Variants in SEMA5A observed in about 807,000 individuals in gnomAD.
SEMA5A encodes semaphorin-5A.
A neutral mutation model predicts 135.5 loss-of-function variants in SEMA5A; 55 were observed. The ratio of observed to expected loss-of-function variants is 0.41; its 90% CI spans 0.33 to 0.51. The LOEUF (loss-of-function observed/expected upper bound fraction) is 0.51. SEMA5A is among the 20% of genes least tolerant of loss of function. The pLI, the probability that SEMA5A is intolerant of heterozygous loss-of-function variation, is 0.37. For missense variants in SEMA5A, 1,290 were observed against 1,419.9 expected (o/e 0.91, Z 1.47); for synonymous variants, 580 against 546.5 (o/e 1.06, Z -0.85).
intron 8 of SEMA5A, among the ~76,000 whole-genome samples, chr5:9,220,321 C>T (rs1461831139): frequency 6.6e-6 from 1 of 151,788 alleles, no homozygotes; most frequent in Non-Finnish European, 1.5e-5. Flanking sequence ...ATCCATGTAA[C>T]CAAAAACCAC....
At position 9,445,371 on chromosome 5, in the gene SEMA5A, TA is replaced by T. The variant is rs879618323; in HGVS notation, c.-174-7520del. Among the ~76,000 whole-genome samples the T allele has an allele frequency of 4.0e-3, 567 of 143,536 alleles. 1 individual carries two copies. Among genetic ancestry groups the T allele is most frequent in the Admixed American group, 4.5e-3 (65 of 14,382 alleles). 94.2% of individuals were successfully genotyped at this position (143,536 alleles called of 152,430 possible). ...CTTCGGTAAATATCTCTCGTGCCAT[TA>T]AAAAAAAAAAAAGTGGGCCGGGCAC... On this transcript the variant is annotated intron_variant, in intron 1 of 22. Transcript: ENST00000382496.
intron 1 of SEMA5A, among the ~76,000 whole-genome samples, chr5:9,544,477 T>C (rs956391599): frequency 6.6e-6 from 1 of 152,194 alleles, no homozygotes; most frequent in Admixed American, 6.5e-5. Flanking sequence ...CTAGCAAGGC[T>C]GACAGCTCTC....
intron 5 of SEMA5A, among the ~76,000 whole-genome samples, chr5:9,301,196 A>G (rs531917651): frequency 7.2e-4 from 110 of 152,360 alleles, no homozygotes; most frequent in African/African-American, 2.5e-3. Context: ...GGTAATGTTT[A>G]GTATTTTAAA....
intron 3 of SEMA5A, among the ~76,000 whole-genome samples, chr5:9,344,040 C>T (rs1753759193): frequency 6.6e-6 from 1 of 152,212 alleles, no homozygotes; most frequent in African/African-American, 2.4e-5. Context: ...AATAAACATG[C>T]ACATTCATAG....
intron 12 of SEMA5A, among the ~76,000 whole-genome samples, chr5:9,138,362 T>G (rs1343252697): frequency 1.3e-5 from 2 of 152,168 alleles, no homozygotes; most frequent in African/African-American, 4.8e-5. Context: ...TATACATATA[T>G]ATATTTTGTT....
At chr5:9,379,599 C>T (rs908850951) in intron 3 of SEMA5A, among the ~76,000 whole-genome samples, 1 of 152,108 alleles carries the variant, frequency 6.6e-6, no homozygotes, top group Non-Finnish European at 1.5e-5. Context: ...GATTTTTTTA[C>T]CTTGGTAATC....
intron 5 of SEMA5A, among the ~76,000 whole-genome samples, chr5:9,313,306 A>T (rs1022133364): frequency 6.6e-6 from 1 of 152,142 alleles, no homozygotes; most frequent in Admixed American, 6.6e-5. Context: ...TGTCTCATCC[A>T]CGAATTGTCC....
At chr5:9,065,963 T>C (rs913516005) in intron 17 of SEMA5A, among the ~76,000 whole-genome samples, 1 of 152,256 alleles carries the variant, frequency 6.6e-6, no homozygotes, top group Non-Finnish European at 1.5e-5. Context: ...CTAGTATCCT[T>C]ACACAATGTG....
intron 3 of SEMA5A, among the ~76,000 whole-genome samples, chr5:9,341,927 T>C (rs1342118404): frequency 6.6e-6 from 1 of 151,840 alleles, no homozygotes. Context: ...AAATATTTTA[T>C]CAAAAGTATA....
intron 2 of SEMA5A, among the ~76,000 whole-genome samples, chr5:9,384,627 G>C (rs199600063): frequency 0.072 from 4,867 of 67,768 alleles, 353 homozygotes; most frequent in African/African-American, 0.14. Flanking sequence ...TACATAGATA[G>C]ATAGATAGAT....
At chr5:9,148,215 A>G (rs1309378737) in intron 12 of SEMA5A, among the ~76,000 whole-genome samples, 1 of 152,260 alleles carries the variant, frequency 6.6e-6, no homozygotes, top group Non-Finnish European at 1.5e-5. Flanking sequence ...AACTCATTTG[A>G]TAAATGAAAT....
intron 4 of SEMA5A, 82 bp from the exon 5 acceptor site, chr5:9,318,499 A>G: frequency 8.3e-7 from 1 of 1,199,002 alleles, no homozygotes; most frequent in South Asian, 1.4e-5. Flanking sequence ...AAGAACAAAG[A>G]AAATAATAAT....
chr5:9,165,763 G>A lies in SEMA5A; in HGVS notation c.1274-11068C>T, dbSNP rs1386764937. Among the ~76,000 whole-genome samples the A allele has an allele frequency of 4.6e-5, 7 of 152,244 alleles. No individual in the cohort carries two copies. In the East Asian group the frequency reaches 9.6e-4, roughly 21 times the overall value. On this transcript the variant is annotated intron_variant, in intron 11 of 22. Transcript: ENST00000382496. Reference sequence around the variant, plus strand: ...TCAGCGAGGTAATGATGAAATACCCGCTTCCACTCACTGGGCAGCTCGTCA... The same window carrying A: ...TCAGCGAGGTAATGATGAAATACCCACTTCCACTCACTGGGCAGCTCGTCA...
chr5:9,124,997 G>T (rs993183390), intron 13 of SEMA5A, among the ~76,000 whole-genome samples: 5 of 152,122 alleles, frequency 3.3e-5, no homozygotes, highest in African/African-American at 4.8e-5. Flanking sequence ...TTCTCTTCGG[G>T]TTACAAACTA....
At chr5:9,173,347 C>G (rs1164253882) in intron 11 of SEMA5A, among the ~76,000 whole-genome samples, 1 of 139,912 alleles carries the variant, frequency 7.1e-6, no homozygotes, top group Non-Finnish European at 1.5e-5. Context: ...CAGATATTCT[C>G]AACTTTAGGA....
intron 16 of SEMA5A, among the ~76,000 whole-genome samples, chr5:9,074,935 C>T (rs199806627): frequency 3.3e-5 from 5 of 152,194 alleles, no homozygotes; most frequent in South Asian, 2.1e-4. Context: ...GTCCATAGAA[C>T]GGAAAAAGAC....
intron 18 of SEMA5A, among the ~76,000 whole-genome samples, chr5:9,062,168 A>T (rs552953901): frequency 5.1e-4 from 77 of 152,178 alleles, no homozygotes; most frequent in South Asian, 2.5e-3. Flanking sequence ...ACATGAACAC[A>T]ATCTAGCCTA....
At chr5:9,528,190 A>G (rs1737243996) in intron 1 of SEMA5A, among the ~76,000 whole-genome samples, 1 of 152,028 alleles carries the variant, frequency 6.6e-6, no homozygotes, top group Non-Finnish European at 1.5e-5. Flanking sequence ...GTTCATCCCA[A>G]TTTTCTAAAG....
intron 5 of SEMA5A, among the ~76,000 whole-genome samples, chr5:9,272,807 T>C (rs1023349441): frequency 6.6e-6 from 1 of 152,078 alleles, no homozygotes; most frequent in Non-Finnish European, 1.5e-5. Context: ...AACAAAGGAA[T>C]GGTATCAACA....
Sources: allele counts gnomAD v4.1 joint callset (sites outside exome capture counted in the v4.1 genomes callset), GRCh38; gene constraint gnomAD v4.1.1; transcripts MANE v1.5; gene names NCBI Gene and HGNC (gene_info 2026-07-23, HGNC 2026-07-21).